SLC31A1: variants seen among roughly 807,000 people sequenced by gnomAD.
SLC31A1 encodes the protein high affinity copper uptake protein 1.
In SLC31A1, 5 loss-of-function variants were observed where a neutral mutation model predicts 17.2. The observed-to-expected ratio is 0.29, with a 90% confidence interval of 0.15 to 0.61. SLC31A1 has a LOEUF of 0.61. SLC31A1 is among the 20% of genes least tolerant of loss of function. SLC31A1 has a pLI of 0.86. For synonymous variants in SLC31A1, 76 were observed against 78.8 expected (o/e 0.96, Z 0.19); for missense variants, 161 against 241.4 (o/e 0.67, Z 2.21).
chr9:113,256,978 C>T (rs1016153492), intron 2 of SLC31A1, 135 bp from the exon 3 acceptor site: 1 of 758,966 alleles, frequency 1.3e-6, no homozygotes, highest in Non-Finnish European at 2.4e-6. Context: ...AACATGAGGG[C>T]AAAAGCCTCC....
chr9:113,231,657 A>G (rs1344219132), intron 1 of SLC31A1, among the ~76,000 whole-genome samples: 1 of 152,230 alleles, frequency 6.6e-6, no homozygotes, highest in Admixed American at 6.5e-5. Flanking sequence ...ATTGGAATGT[A>G]TAATTCAAAA....
At position 113,262,965 on chromosome 9, in the gene SLC31A1, G is replaced by C. The variant is rs1831810422; in HGVS notation, c.*2492G>C. The C allele has an allele frequency of 6.6e-6, 1 of 152,476 alleles. No homozygotes were observed. The highest frequency in any genetic ancestry group is 2.1e-4 in the South Asian group (1 of 4,834). 9.4% of individuals were successfully genotyped at this position (152,476 alleles called of 1,614,324 possible). Reference sequence around the variant, plus strand: ...GCTTGTGTCCAGAAGTTCGAGACCAGCCTGGACAACATAGTGAGATCCTAT... The same window carrying C: ...GCTTGTGTCCAGAAGTTCGAGACCACCCTGGACAACATAGTGAGATCCTAT... On this transcript the variant is annotated 3_prime_UTR_variant, in exon 5 of 5. Transcript: ENST00000374212.
In SLC31A1 at chr9:113,258,713, G is replaced by A. The variant is rs755980089; in HGVS notation, c.222G>A (p.Val74=). ...ACTTAGAAATGGCTGGAGCTTTTGT[G>A]GCAGTGTTTTTACTAGCAATGTTCT... The part of the protein sequence containing the change: ...NTAGEMAGAF[V]AVFLLAMFYE... The change falls in exon 4 of 5, where the codon GTG becomes GTA. Residue 74 remains valine, a synonymous_variant. Coordinates refer to ENST00000374212, the MANE Select transcript of SLC31A1 (RefSeq NM_001859.4). The surrounding 1 kb of genome is among the most constrained non-coding windows in gnomAD (Gnocchi z 4.8). 2 of 1,614,172 alleles carry A rather than the reference G, an allele frequency of 1.2e-6. No individual in the cohort carries two copies. Among genetic ancestry groups the A allele is most frequent in the Non-Finnish European group, 8.5e-7 (1 of 1,180,030 alleles).
At position 113,252,578 on chromosome 9, in the gene SLC31A1, G is replaced by A. The variant is rs538561066; in HGVS notation, c.-35-3536G>A. On this transcript the variant is annotated intron_variant, in intron 1 of 4. Transcript: ENST00000374212. Reference sequence around the variant, plus strand: ...TGCTGGGATTACAGGGTGAGCCACCGCACCCAGCCTAGTCTTGCTTTTTTA... The same window carrying A: ...TGCTGGGATTACAGGGTGAGCCACCACACCCAGCCTAGTCTTGCTTTTTTA... Among the ~76,000 whole-genome samples the A allele has an allele frequency of 3.3e-5, 5 of 152,196 alleles. No individual in the cohort carries two copies. In the South Asian group the frequency reaches 1.0e-3, roughly 32 times the overall value.
At chr9:113,252,962 T>C (rs1414874324) in intron 1 of SLC31A1, among the ~76,000 whole-genome samples, 4 of 146,170 alleles carry the variant, frequency 2.7e-5, no homozygotes, top group Admixed American at 6.8e-5. Flanking sequence ...TTCTTTTTTT[T>C]TTTTTTTTTG....
At chr9:113,225,070 C>T (rs1240972560) in intron 1 of SLC31A1, among the ~76,000 whole-genome samples, 3 of 152,172 alleles carry the variant, frequency 2.0e-5, no homozygotes, top group Non-Finnish European at 2.9e-5. Flanking sequence ...ATAGTATTTA[C>T]GTACTTTCAG....
chr9:113,257,478 ATTTTTTTTT>A (rs532189321), intron 3 of SLC31A1, among the ~76,000 whole-genome samples: 4 of 101,184 alleles, frequency 4.0e-5, no homozygotes, highest in African/African-American at 1.2e-4. Flanking sequence ...AGAGTGTTTA[ATTTTTTTTT>A]TTTTTTTTTT....
intron 1 of SLC31A1, 30 bp from the exon 2 acceptor site, chr9:113,256,084 A>G: frequency 1.4e-6 from 2 of 1,462,972 alleles, no homozygotes; most frequent in Non-Finnish European, 1.9e-6. Context: ...ATATCCTTAA[A>G]TTATTATATA....
At chr9:113,236,088 A>G (rs1339736038) in intron 1 of SLC31A1, among the ~76,000 whole-genome samples, 1 of 151,386 alleles carries the variant, frequency 6.6e-6, no homozygotes, top group Non-Finnish European at 1.5e-5. Flanking sequence ...CCCAAGTTCA[A>G]GCAATTCTCG....
intron 1 of SLC31A1, among the ~76,000 whole-genome samples, chr9:113,241,125 A>G (rs1272624829): frequency 3.3e-5 from 5 of 151,822 alleles, no homozygotes; most frequent in African/African-American, 1.2e-4. Context: ...TGTGAAGCGG[A>G]GTAGATTGAG....
At position 113,260,264 on chromosome 9, in the gene SLC31A1, C is replaced by A. The variant is rs772144312; in HGVS notation, c.372-8C>A. 3 of 1,613,554 alleles carry A rather than the reference C, an allele frequency of 1.9e-6. No homozygotes were observed. Among genetic ancestry groups the A allele is most frequent in the Non-Finnish European group, 2.5e-6 (3 of 1,179,538 alleles). The stretch of plus-strand genomic sequence containing the variant: ...TCCCTGATTGTTGTGTCCCTGTTTA[C>A]TCTCCAGGCAACAGATGCTGAGCTT... On this transcript the variant is annotated splice_region_variant and splice_polypyrimidine_tract_variant and intron_variant, in intron 4 of 4. Transcript: ENST00000374212.
At chr9:113,252,536 G>A (rs538306998) in intron 1 of SLC31A1, among the ~76,000 whole-genome samples, 2 of 152,094 alleles carry the variant, frequency 1.3e-5, no homozygotes, top group Admixed American at 6.6e-5. Context: ...TGATCTGCCC[G>A]CCTTGGCCTC....
rs117747091 is a variant in SLC31A1, at chr9:113,242,213, G to A, written c.-35-13901G>A. On this transcript the variant is annotated intron_variant, in intron 1 of 4. Transcript: ENST00000374212. ...CAAAAAAAAAAAACTAGACGTTGGA[G>A]TATGGCATGGATTTGTTGCACTAGA... 3.5e-4 allele frequency among the ~76,000 whole-genome samples: 53 copies of A among 152,244 alleles called. No homozygotes were observed. The East Asian group carries it at 9.9e-3, about 28-fold the overall frequency.
intron 1 of SLC31A1, among the ~76,000 whole-genome samples, chr9:113,245,112 C>T (rs998206362): frequency 1.3e-5 from 2 of 152,080 alleles, no homozygotes; most frequent in African/African-American, 4.8e-5. Context: ...AGTATACCTA[C>T]GATCACTGTA....
In SLC31A1 at chr9:113,232,810, C is replaced by G. The variant is rs574032061; in HGVS notation, c.-36+11132C>G. Among the ~76,000 whole-genome samples, 14 of 151,952 alleles carry G rather than the reference C, an allele frequency of 9.2e-5. No individual in the cohort carries two copies. In the East Asian group the frequency reaches 1.4e-3, roughly 15 times the overall value. Reference sequence around the variant, plus strand: ...AGTGAGCCGAGATCGCACCACTGCACTCCAGCCTGGGTGACGAGAGTGAAA... The same window carrying G: ...AGTGAGCCGAGATCGCACCACTGCAGTCCAGCCTGGGTGACGAGAGTGAAA... On this transcript the variant is annotated intron_variant, in intron 1 of 4. Transcript: ENST00000374212.
chr9:113,264,389 GT>G lies in SLC31A1; in HGVS notation c.*3920del, dbSNP rs936411740. The G allele has an allele frequency of 1.3e-5, 2 of 152,528 alleles. No individual in the cohort carries two copies. Among genetic ancestry groups the G allele is most frequent in the East Asian group, 1.9e-4 (1 of 5,202 alleles). The allele number at this position is 152,528 out of a possible 1,614,324, so 9.4% of individuals were successfully genotyped here. A position where few individuals can be genotyped will look rare whatever the true frequency, so the allele number is the denominator to read the frequency against. ...ACTGGGTCTACAATTAATGTTGACTGTTTTAGATTGTAAGCTCCTGGAGAGC... is the reference window on the plus strand; with the variant it reads ...ACTGGGTCTACAATTAATGTTGACTGTTTAGATTGTAAGCTCCTGGAGAGC... On this transcript the variant is annotated 3_prime_UTR_variant, in exon 5 of 5. Transcript: ENST00000374212.
chr9:113,244,478 A>C (rs1412508257), intron 1 of SLC31A1, among the ~76,000 whole-genome samples: 1 of 152,224 alleles, frequency 6.6e-6, no homozygotes, highest in African/African-American at 2.4e-5. Flanking sequence ...TGGTGAAGAA[A>C]GAGAAAATAT....
At chr9:113,235,289 A>G (rs1831444463) in intron 1 of SLC31A1, among the ~76,000 whole-genome samples, 1 of 152,238 alleles carries the variant, frequency 6.6e-6, no homozygotes, top group Non-Finnish European at 1.5e-5. Context: ...TATACCCACC[A>G]GAATGGCTAA....
At position 113,256,197 on chromosome 9, in the gene SLC31A1, A is replaced by G. The variant is rs1318727466; in HGVS notation, c.49A>G (p.Thr17Ala). 1 of 1,613,030 alleles carries G rather than the reference A, an allele frequency of 6.2e-7. No homozygotes were observed. Among genetic ancestry groups the G allele is most frequent in the Non-Finnish European group, 8.5e-7 (1 of 1,180,018 alleles). The change falls in exon 2 of 5, where the codon ACC (threonine) becomes GCC (alanine). Residue 17 changes from threonine to alanine, a missense_variant. By Grantham distance (58) the Thr-to-Ala change is moderately conservative (BLOSUM62 0). Coordinates refer to ENST00000374212, the MANE Select transcript of SLC31A1 (RefSeq NM_001859.4). ...MGMSYMDSNS[T>A]MQPSHHHPTT... The stretch of plus-strand genomic sequence containing the variant: ...GATGAGCTATATGGACTCCAACAGT[A>G]CCATGCAACCTTCTCACCATCACCC...
Sources: gnomAD v4.1 joint callset for allele counts (sites outside exome capture counted in the v4.1 genomes callset) on GRCh38, gnomAD v4.1.1 for gene constraint, Gnocchi (gnomAD v3.1) non-coding constraint, MANE v1.5 for transcripts, NCBI Gene and HGNC (gene_info 2026-07-23, HGNC 2026-07-21) for gene names.